Variants in DNAH17 observed in about 807,000 individuals in gnomAD.
The protein encoded by DNAH17 is dynein axonemal heavy chain 17, also known as axonemal beta dynein heavy chain 17.
A neutral mutation model predicts 485.6 loss-of-function variants in DNAH17; 376 were observed. The ratio of observed to expected loss-of-function variants is 0.77; its 90% CI spans 0.71 to 0.84. The LOEUF is 0.84. Among genes scored for constraint, DNAH17 ranks in the 40% least tolerant of loss-of-function variants. The pLI is 0.00. For synonymous variants in DNAH17, 3,031 were observed against 2,405.9 expected, an observed-to-expected ratio of 1.26 and a Z score of -7.60; for missense variants, 6,370 against 5,839.3, an observed-to-expected ratio of 1.09 and a Z score of -2.96.
intron 31 of DNAH17, among the ~76,000 whole-genome samples, chr17:78,504,082 T>C (rs1054638981): frequency 2.0e-5 from 3 of 151,844 alleles, no homozygotes; most frequent in Non-Finnish European, 4.4e-5. Context: ...TTTTTTTTTT[T>C]GGAGATGAAG....
intron 47 of DNAH17, 192 bp from the exon 48 acceptor site, chr17:78,485,225 G>A (rs144552969): frequency 2.4e-5 from 17 of 715,728 alleles, no homozygotes; most frequent in Non-Finnish European, 3.6e-5. Context: ...TAAACAGAGC[G>A]ATCAGAGGCG....
rs757269286 is a variant in DNAH17, at chr17:78,494,131, C to T, written c.6313G>A (p.Asp2105Asn). 1.9e-6 allele frequency: 3 copies of T among 1,612,824 alleles called. No homozygotes were observed. The highest frequency in any genetic ancestry group is 2.2e-5 in the East Asian group (1 of 44,858). ...SIVELKLQAE[D>N]SFVLKVVQLE... The stretch of plus-strand genomic sequence containing the variant: ...TGCACCACCTTCAGCACGAAGCTGT[C>T]CTCCGCCTGCAGCTTGAGCTCCACG... Residue 2105 changes from aspartate to asparagine, a missense_variant, in exon 41 of 81, where the codon GAC becomes AAC. Transcript: ENST00000389840.
At chr17:78,437,891 G>A (rs2086904017) in intron 73 of DNAH17, 23 bp from the exon 74 acceptor site, 5 of 1,574,560 alleles carry the variant, frequency 3.2e-6, no homozygotes, top group Admixed American at 3.4e-5. Context: ...CTAGAGGCTG[G>A]TTACACACTT....
chr17:78,509,670 A>G (rs570595656), intron 27 of DNAH17, among the ~76,000 whole-genome samples: 56 of 152,292 alleles, frequency 3.7e-4, no homozygotes, highest in African/African-American at 1.0e-3. Flanking sequence ...TAACAAGTTC[A>G]GGTACCAGCT....
At position 78,458,652 on chromosome 17, in the gene DNAH17, G is replaced by C; in HGVS notation, c.9890C>G (p.Thr3297Ser). 1 of 1,614,050 alleles carries C rather than the reference G, an allele frequency of 6.2e-7. No homozygotes were observed. Among genetic ancestry groups the C allele is most frequent in the South Asian group, 1.1e-5 (1 of 91,090 alleles). Residue 3297 changes from threonine to serine, a missense_variant, in exon 62 of 81, where the codon ACC (threonine) becomes AGC (serine). Physicochemically the swap from Thr to Ser is moderately conservative, Grantham distance 58. Transcript: ENST00000389840. The part of the protein sequence containing the change: ...AELNANLSNL[T>S]SAFEKATAEK... ...AGCTGTTGCTTTTTCAAACGCTGAG[G>C]TTAGGTTGCTCAGGTTGGCGTTAAG...
Position 78,460,053 on chromosome 17 carries a change from G to A in DNAH17, c.9436-52C>T, listed in dbSNP as rs2289756. 0.17 allele frequency: 269,893 copies of A among 1,601,156 alleles called. 25,004 individuals carry two copies. Among genetic ancestry groups the A allele is most frequent in the Admixed American group, 0.35 (20,376 of 58,490 alleles). The stretch of plus-strand genomic sequence containing the variant: ...GATGGGAGTTTGGACCGGGTCCTCG[G>A]TGATGCCCCGAAGAAGCCGCCATGA... On this transcript the variant is annotated intron_variant, in intron 59 of 80. Transcript: ENST00000389840.
intron 15 of DNAH17, among the ~76,000 whole-genome samples, chr17:78,552,249 G>A (rs898718507): frequency 6.6e-6 from 1 of 152,154 alleles, no homozygotes; most frequent in African/African-American, 2.4e-5. Flanking sequence ...CCAGGGGGTC[G>A]GGGGCCTTCT....
chr17:78,425,756 C>CTTTTTTTTTTT lies in DNAH17; in HGVS notation c.12916-196_12916-186dup, dbSNP rs71160294. Among the ~76,000 whole-genome samples the CTTTTTTTTTTT allele has an allele frequency of 2.5e-3, 307 of 120,684 alleles. 28 individuals are homozygous for CTTTTTTTTTTT. Among genetic ancestry groups the CTTTTTTTTTTT allele is most frequent in the African/African-American group, 0.011 (291 of 26,184 alleles). The allele number at this position is 120,684 out of a possible 152,430, so 79.2% of individuals were successfully genotyped here. ...TACCATGACGCAACTTTGGTGTCTG[C>CTTTTTTTTTTT]TTTTTTTTTTTTTTTTTTTTTTTTT... On this transcript the variant is annotated intron_variant, in intron 79 of 80. Coordinates refer to ENST00000389840, the MANE Select transcript of DNAH17 (RefSeq NM_173628.4).
chr17:78,568,040 G>A (rs2092296314), intron 9 of DNAH17, among the ~76,000 whole-genome samples: 2 of 152,158 alleles, frequency 1.3e-5, no homozygotes, highest in African/African-American at 2.4e-5. Flanking sequence ...ACCACCCCGA[G>A]GAGACAGGCA....
intron 77 of DNAH17, among the ~76,000 whole-genome samples, chr17:78,427,392 C>T (rs1227251861): frequency 6.6e-6 from 1 of 152,222 alleles, no homozygotes; most frequent in Non-Finnish European, 1.5e-5. Context: ...TTGTTCATTC[C>T]CACGCACCAG....
intron 49 of DNAH17, among the ~76,000 whole-genome samples, chr17:78,480,207 G>A (rs1336660439): frequency 1.3e-5 from 2 of 151,740 alleles, no homozygotes; most frequent in African/African-American, 2.4e-5. Context: ...AAATTAGCCA[G>A]GTGTGGTGGC....
At chr17:78,501,153 C>A in intron 35 of DNAH17, 31 bp downstream of exon 35, 1 of 1,549,410 alleles carries the variant, frequency 6.5e-7, no homozygotes, top group South Asian at 1.2e-5. Context: ...CCACCAAGAG[C>A]ACATGTGAGT....
At chr17:78,458,338 G>C in intron 62 of DNAH17, 1 of 565,426 alleles carries the variant, frequency 1.8e-6, no homozygotes, top group Non-Finnish European at 3.2e-6. Context: ...CAGTGTCCCA[G>C]GCCAGTGTGG....
At position 78,423,830 on chromosome 17, in the gene DNAH17, T is replaced by TAAGTCACAGGTGCACAGGTG; in HGVS notation, c.*56_*75dup. ...AACCACCACCAGTTCCTGTAAAGAA[T>TAAGTCACAGGTGCACAGGTG]AAGTCACAGGTGCACAGGTGAAGGG... is the stretch of plus-strand genomic sequence containing the variant. On this transcript the variant is annotated 3_prime_UTR_variant, in exon 81 of 81. Coordinates refer to ENST00000389840, the MANE Select transcript of DNAH17 (RefSeq NM_173628.4). 1 of 1,548,126 alleles carries TAAGTCACAGGTGCACAGGTG rather than the reference T, an allele frequency of 6.5e-7. No homozygotes were observed.
At chr17:78,550,226 AGG>A (rs2091868453) in intron 16 of DNAH17, among the ~76,000 whole-genome samples, 1 of 149,002 alleles carries the variant, frequency 6.7e-6, no homozygotes, top group Non-Finnish European at 1.5e-5. Flanking sequence ...TAACACAAGG[AGG>A]CACACGTCTG....
chr17:78,431,476 C>T (rs1287388472), intron 75 of DNAH17, among the ~76,000 whole-genome samples: 1 of 142,978 alleles, frequency 7.0e-6, no homozygotes, highest in Non-Finnish European at 1.6e-5. Context: ...CCTGGGGGAG[C>T]TGTAGCTCTC....
At position 78,439,188 on chromosome 17, in the gene DNAH17, C is replaced by T. The variant is rs771556989; in HGVS notation, c.11707G>A (p.Gly3903Arg). ...CCCAGGGACACATTATGGAGTTTTC[C>T]ATTGTCTATGGTAAACCCTAGTTTT... is the stretch of plus-strand genomic sequence containing the variant. The part of the protein sequence containing the change: ...GKKLGFTIDN[G>R]KLHNVSLGQG... Residue 3903 changes from glycine (G) to arginine (R), a missense_variant, in exon 73 of 81, where the codon GGA becomes AGA. By Grantham distance (125) the Gly-to-Arg change is moderately radical. Transcript: ENST00000389840. 3 of 1,613,314 alleles carry T rather than the reference C, an allele frequency of 1.9e-6. No individual in the cohort carries two copies. In the Admixed American group the frequency reaches 5.0e-5, roughly 27 times the overall value.
intron 51 of DNAH17, among the ~76,000 whole-genome samples, chr17:78,478,530 CTATCATCACCACCATCAT>C (rs2089198042): frequency 2.0e-5 from 3 of 151,344 alleles, no homozygotes; most frequent in South Asian, 2.1e-4. Context: ...ACCACCATCA[CTATCATCACCACCATCAT>C]GACAATCACC....
intron 71 of DNAH17, among the ~76,000 whole-genome samples, chr17:78,442,070 G>A (rs1299641788): frequency 7.6e-6 from 1 of 132,256 alleles, no homozygotes; most frequent in East Asian, 2.2e-4. Context: ...GCAAGAGAGC[G>A]AGACTCCATC....
Sources: gnomAD v4.1 joint callset for allele counts (sites outside exome capture counted in the v4.1 genomes callset) on GRCh38, gnomAD v4.1.1 for gene constraint, MANE v1.5 for transcripts, NCBI Gene and HGNC (gene_info 2026-07-23, HGNC 2026-07-21) for gene names.